SDK1: variants seen among roughly 807,000 people sequenced by gnomAD.
SDK1 encodes the protein protein sidekick-1.
A neutral mutation model predicts 245.5 loss-of-function variants in SDK1; 157 were observed. The ratio of observed to expected loss-of-function variants is 0.64; its 90% CI spans 0.56 to 0.73. SDK1 has a LOEUF of 0.73. SDK1 is among the 30% of genes least tolerant of loss of function. The pLI is 0.00. For synonymous variants in SDK1, 1,647 were observed against 1,278.5 expected, an observed-to-expected ratio of 1.29 and a Z score of -6.15; for missense variants, 3,583 against 3,002.3, an observed-to-expected ratio of 1.19 and a Z score of -4.52.
intron 1 of SDK1, among the ~76,000 whole-genome samples, chr7:3,538,376 G>T (rs1778954959): frequency 6.6e-6 from 1 of 151,542 alleles, no homozygotes; most frequent in African/African-American, 2.4e-5. Context: ...AGGCCTTTTT[G>T]AAAAAATCAG....
At chr7:3,513,582 T>G (rs1473073850) in intron 1 of SDK1, among the ~76,000 whole-genome samples, 1 of 152,226 alleles carries the variant, frequency 6.6e-6, no homozygotes, top group Non-Finnish European at 1.5e-5. Context: ...TTAAATTGTT[T>G]TAAATTATTA....
At chr7:3,581,777 A>C (rs1780505058) in intron 1 of SDK1, among the ~76,000 whole-genome samples, 1 of 152,364 alleles carries the variant, frequency 6.6e-6, no homozygotes, top group South Asian at 2.1e-4. Context: ...CTGGATAAAG[A>C]AAATGTGGTA....
chr7:3,979,117 C>G (rs1237859213), intron 13 of SDK1, among the ~76,000 whole-genome samples: 3 of 152,184 alleles, frequency 2.0e-5, no homozygotes, highest in Non-Finnish European at 1.5e-5. Flanking sequence ...GCCCTGCTCA[C>G]CTTTCACTAC....
In SDK1 at chr7:3,793,417, C is replaced by T. The variant is rs41884; in HGVS notation, c.714-28033C>T. ...TGCTCTACAAGAAAATCCTGCCCAG[C>T]GATTGACGTGACAAACGCTGAATAT... On this transcript the variant is annotated intron_variant, in intron 4 of 44. Coordinates refer to ENST00000404826, the MANE Select transcript of SDK1 (RefSeq NM_152744.4). Among the ~76,000 whole-genome samples the T allele has an allele frequency of 3.6e-3, 543 of 152,246 alleles. 3 individuals carry two copies. The highest frequency in any genetic ancestry group is 0.016 in the South Asian group (78 of 4,820).
intron 1 of SDK1, chr7:3,302,552 A>G (rs1246274406): frequency 6.6e-6 from 1 of 151,994 alleles, no homozygotes; most frequent in African/African-American, 2.4e-5. Flanking sequence ...TGACCTTTTG[A>G]AACGAGAGAT....
rs1231681671 is a variant in SDK1 at position 4,110,799 on chromosome 7, C to T, written c.3434+27C>T. On this transcript the variant is annotated intron_variant, in intron 23 of 44. Coordinates refer to ENST00000404826, the MANE Select transcript of SDK1 (RefSeq NM_152744.4). ...TGAGAACAGCAGTGATAAGCTGTTA[C>T]AGGAGGAAACACTGGCAGCCCAGGC... 2.7e-6 allele frequency: 4 copies of T among 1,504,348 alleles called. No individual in the cohort carries two copies. The African/African-American group carries it at 4.1e-5, about 16-fold the overall frequency. The allele number at this position is 1,504,348 out of a possible 1,614,324, so 93.2% of individuals were successfully genotyped here. A position where few individuals can be genotyped will look rare whatever the true frequency, so the allele number is the denominator to read the frequency against.
intron 1 of SDK1, among the ~76,000 whole-genome samples, chr7:3,445,182 TAACA>T (rs1311814136): frequency 9.9e-5 from 15 of 152,202 alleles, no homozygotes; most frequent in Non-Finnish European, 1.6e-4. Context: ...TTCACCTTAT[TAACA>T]GGTCAAACAA....
intron 1 of SDK1, among the ~76,000 whole-genome samples, chr7:3,353,237 T>A (rs572989244): frequency 1.3e-5 from 2 of 152,184 alleles, no homozygotes; most frequent in Admixed American, 1.3e-4. Context: ...CTTTTTACTA[T>A]CCTTTTCTTA....
At chr7:3,536,162 T>C (rs1778879979) in intron 1 of SDK1, among the ~76,000 whole-genome samples, 1 of 151,802 alleles carries the variant, frequency 6.6e-6, no homozygotes, top group Non-Finnish European at 1.5e-5. Context: ...GTCCACACCA[T>C]TCTCCAGCCT....
intron 1 of SDK1, among the ~76,000 whole-genome samples, chr7:3,380,011 A>G (rs570441431): frequency 2.6e-5 from 4 of 152,304 alleles, no homozygotes; most frequent in African/African-American, 9.6e-5. Context: ...TGTATTTAAT[A>G]TTGGGAAGCA....
At chr7:3,357,052 C>CG (rs1220897654) in intron 1 of SDK1, among the ~76,000 whole-genome samples, 3 of 63,708 alleles carry the variant, frequency 4.7e-5, no homozygotes, top group African/African-American at 8.7e-5. Context: ...GAGACTCTCT[C>CG]GAAAAAAAAA....
intron 22 of SDK1, among the ~76,000 whole-genome samples, chr7:4,109,776 G>T (rs543197550): frequency 5.8e-4 from 88 of 151,502 alleles, no homozygotes; most frequent in Non-Finnish European, 1.1e-3. Context: ...GGCAGTGGCA[G>T]TAGAAGCGGC....
At chr7:3,662,388 A>G (rs1331497241) in intron 4 of SDK1, among the ~76,000 whole-genome samples, 2 of 152,154 alleles carry the variant, frequency 1.3e-5, no homozygotes, top group Non-Finnish European at 2.9e-5. Flanking sequence ...CCAGGGACAC[A>G]TCTTTGCCTA....
intron 1 of SDK1, among the ~76,000 whole-genome samples, chr7:3,578,834 C>T (rs1257855579): frequency 6.6e-6 from 1 of 151,780 alleles, no homozygotes; most frequent in Non-Finnish European, 1.5e-5. Context: ...TCAAGGTGCA[C>T]TGATTTCATA....
chr7:3,530,273 A>G (rs80037522), intron 1 of SDK1, among the ~76,000 whole-genome samples: 6 of 152,320 alleles, frequency 3.9e-5, no homozygotes, highest in Non-Finnish European at 7.3e-5. Flanking sequence ...TAGGAATTAG[A>G]TATTTCTGAT....
chr7:3,739,778 T>G (rs560523898), intron 4 of SDK1, among the ~76,000 whole-genome samples: 4 of 152,218 alleles, frequency 2.6e-5, no homozygotes, highest in African/African-American at 7.2e-5. Context: ...TTTCTATTGA[T>G]TGCTTTTTTT....
At position 4,156,809 on chromosome 7, in the gene SDK1, T is replaced by C. The variant is rs141909256; in HGVS notation, c.4626-1639T>C. On this transcript the variant is annotated intron_variant, in intron 30 of 44. Coordinates refer to ENST00000404826, the MANE Select transcript of SDK1 (RefSeq NM_152744.4). ...TTCAGAGACTTCAGAGTCCTGGGGG[T>C]CCACAGGGCTCCATTTGAAAGCCAC... Among the ~76,000 whole-genome samples, 1,041 of 152,018 alleles carry C rather than the reference T, an allele frequency of 6.8e-3. 17 individuals carry two copies. Among genetic ancestry groups the C allele is most frequent in the African/African-American group, 0.023 (937 of 41,458 alleles).
intron 38 of SDK1, among the ~76,000 whole-genome samples, chr7:4,211,520 C>T (rs916267358): frequency 7.2e-5 from 11 of 152,110 alleles, no homozygotes; most frequent in African/African-American, 1.2e-4. Flanking sequence ...ATGGGGGTTG[C>T]GGGCAGGTGG....
chr7:3,596,292 T>C (rs1781059885), intron 1 of SDK1, among the ~76,000 whole-genome samples: 1 of 152,056 alleles, frequency 6.6e-6, no homozygotes. Context: ...TAATAGGCAG[T>C]CTCCTTAGCA....
Sources: gnomAD v4.1 joint callset for allele counts (sites outside exome capture counted in the v4.1 genomes callset) on GRCh38, gnomAD v4.1.1 for gene constraint, MANE v1.5 for transcripts, NCBI Gene and HGNC (gene_info 2026-07-23, HGNC 2026-07-21) for gene names.